UGDH: variants seen among roughly 807,000 people sequenced by gnomAD.
The protein encoded by UGDH is UDP-glucose 6-dehydrogenase.
Under a neutral mutation model 50.6 loss-of-function variants are expected in UGDH, and 38 were observed. The observed-to-expected ratio is 0.75, with a 90% confidence interval of 0.58 to 0.98. The LOEUF (loss-of-function observed/expected upper bound fraction) is 0.98, where lower values mean the gene tolerates loss of function less well. Ranked by LOEUF, UGDH falls within the 50% of genes least tolerant of loss-of-function variation. UGDH has a pLI of 0.00. For synonymous variants in UGDH, 168 were observed against 199.9 expected (o/e 0.84, Z 1.35); for missense variants, 465 against 606.2 (o/e 0.77, Z 2.45).
At chr4:39,502,698 G>A (rs922706473) in intron 11 of UGDH, among the ~76,000 whole-genome samples, 1 of 152,152 alleles carries the variant, frequency 6.6e-6, no homozygotes, top group African/African-American at 2.4e-5. Flanking sequence ...CAAAAACACT[G>A]TTCTGGGTGG....
chr4:39,515,809 C>T (rs1442671655), intron 2 of UGDH, among the ~76,000 whole-genome samples: 2 of 152,180 alleles, frequency 1.3e-5, no homozygotes, highest in Non-Finnish European at 2.9e-5. Flanking sequence ...AAGTGATTCT[C>T]GTGCCGCAAA....
chr4:39,510,485 T>G lies in UGDH; in HGVS notation c.531A>C (p.Arg177Ser). The change falls in exon 5 of 12, where the codon AGA becomes AGC. Residue 177 changes from arginine to serine, a missense_variant. Arg to Ser is a moderately radical substitution (Grantham distance 110). Coordinates refer to ENST00000316423, the MANE Select transcript of UGDH (RefSeq NM_003359.4). ...GAGTTTCATCCCCTCCAATCAGTACTCTGTCTGGGTTCTTTAGGTCCTTGA... is the reference window on the plus strand; with the variant it reads ...GAGTTTCATCCCCTCCAATCAGTACGCTGTCTGGGTTCTTTAGGTCCTTGA... ...TAIKDLKNPD[R>S]VLIGGDETPE... The G allele has an allele frequency of 6.2e-7, 1 of 1,614,160 alleles. No individual in the cohort carries two copies.
Position 39,512,025 on chromosome 4 carries a change from GAAA to G in UGDH, c.265-1167_265-1165del, listed in dbSNP as rs369507361. ...GCCAATGGGCGAAGACTTTCATTTAGAAAAAAAAAAAAAAAATCATGGGCCCAG... is the reference window on the plus strand; with the variant it reads ...GCCAATGGGCGAAGACTTTCATTTAGAAAAAAAAAAAAATCATGGGCCCAG... On this transcript the variant is annotated intron_variant, in intron 3 of 11. Coordinates refer to ENST00000316423, the MANE Select transcript of UGDH (RefSeq NM_003359.4). Among the ~76,000 whole-genome samples the G allele has an allele frequency of 3.7e-5, 5 of 136,930 alleles. No homozygotes were observed. In the East Asian group the frequency reaches 1.1e-3, roughly 29 times the overall value. 89.8% of individuals were successfully genotyped at this position (136,930 alleles called of 152,430 possible).
intron 11 of UGDH, among the ~76,000 whole-genome samples, chr4:39,502,184 C>T (rs1745844357): frequency 1.3e-5 from 2 of 152,042 alleles, no homozygotes; most frequent in Non-Finnish European, 2.9e-5. Context: ...TTGCAAATAA[C>T]CTTTTAAAAA....
intron 7 of UGDH, among the ~76,000 whole-genome samples, chr4:39,507,648 T>C (rs111385092): frequency 0.01 from 1,585 of 152,258 alleles, 24 homozygotes; most frequent in African/African-American, 0.035. Context: ...TTTATGCCTT[T>C]CAAGATAGAG....
Position 39,505,254 on chromosome 4 carries a change from A to T in UGDH, c.1154T>A (p.Val385Asp). 6.3e-7 allele frequency: 1 copy of T among 1,595,090 alleles called. No homozygotes were observed. The highest frequency in any genetic ancestry group is 8.5e-7 in the Non-Finnish European group (1 of 1,174,258). ...AGCCTTACCTTGGTCATCCTCTGAA[A>T]CACCTGGATGAGAAAGATCCACAAC... ...QIVVDLSHPG[V>D]SEDDQVSRLV... Residue 385 changes from valine (V) to aspartate (D), a missense_variant, in exon 9 of 12, where the codon GTT (valine) becomes GAT (aspartate). By Grantham distance (152) the Val-to-Asp change is radical. Coordinates refer to ENST00000316423, the MANE Select transcript of UGDH (RefSeq NM_003359.4).
At chr4:39,519,458 A>G (rs920365732) in intron 2 of UGDH, among the ~76,000 whole-genome samples, 3 of 152,142 alleles carry the variant, frequency 2.0e-5, no homozygotes, top group Non-Finnish European at 4.4e-5. Context: ...CCTTTTATCA[A>G]TATCAGCATT....
At chr4:39,523,888 G>C (rs1746773090) in intron 1 of UGDH, among the ~76,000 whole-genome samples, 1 of 151,934 alleles carries the variant, frequency 6.6e-6, no homozygotes, top group Non-Finnish European at 1.5e-5. Flanking sequence ...GTACACATGA[G>C]AAGTCTCACT....
At chr4:39,511,133 A>G (rs1244967720) in intron 3 of UGDH, among the ~76,000 whole-genome samples, 1 of 152,224 alleles carries the variant, frequency 6.6e-6, no homozygotes, top group African/African-American at 2.4e-5. Flanking sequence ...CTAAGCCCTG[A>G]AGATACATAA....
intron 11 of UGDH, among the ~76,000 whole-genome samples, chr4:39,503,008 C>T (rs1745883449): frequency 6.6e-6 from 1 of 152,178 alleles, no homozygotes; most frequent in Non-Finnish European, 1.5e-5. Context: ...CCTCCGCCTC[C>T]CAGGTTTAAG....
At chr4:39,504,309 A>ACT in intron 10 of UGDH, 108 bp downstream of exon 10, 1 of 1,034,244 alleles carries the variant, frequency 9.7e-7, no homozygotes, top group Admixed American at 2.5e-5. Flanking sequence ...CTCCATCTCA[A>ACT]AAAAAAAAAC....
At chr4:39,521,084 A>G (rs1279446020) in intron 2 of UGDH, among the ~76,000 whole-genome samples, 4 of 151,456 alleles carry the variant, frequency 2.6e-5, no homozygotes, top group East Asian at 1.9e-4. Context: ...AAAAAAAAAA[A>G]AAAAAAGAAA....
intron 2 of UGDH, among the ~76,000 whole-genome samples, chr4:39,514,613 C>T (rs889245831): frequency 6.6e-6 from 1 of 152,124 alleles, no homozygotes; most frequent in African/African-American, 2.4e-5. Flanking sequence ...TCAAACAATC[C>T]TCCCATCTCA....
In UGDH at chr4:39,527,110, G is replaced by T. The variant is rs757182593; in HGVS notation, c.-8+173C>A. 3 of 1,289,064 alleles carry T rather than the reference G, an allele frequency of 2.3e-6. No homozygotes were observed. The African/African-American group carries it at 4.6e-5, about 20-fold the overall frequency. The allele number at this position is 1,289,064 out of a possible 1,614,324, so 79.9% of individuals were successfully genotyped here. A position where few individuals can be genotyped will look rare whatever the true frequency, so the allele number is the denominator to read the frequency against. On this transcript the variant is annotated intron_variant, in intron 1 of 11. Coordinates refer to ENST00000316423, the MANE Select transcript of UGDH (RefSeq NM_003359.4). Reference sequence around the variant, plus strand: ...CCCCAGGACAGCAGTTCCAAAATGCGGTTCCCGCCCTAAGCCCCAAAGAGA... The same window carrying T: ...CCCCAGGACAGCAGTTCCAAAATGCTGTTCCCGCCCTAAGCCCCAAAGAGA...
chr4:39,505,632 G>A lies in UGDH; in HGVS notation c.1023C>T (p.Asp341=), dbSNP rs1445329594. Residue 341 remains aspartate, a synonymous_variant, in exon 8 of 12, where the codon GAC becomes GAT. Coordinates refer to ENST00000316423, the MANE Select transcript of UGDH (RefSeq NM_003359.4). The part of the protein sequence containing the change: ...IAILGFAFKK[D]TGDTRESSSI... ...AAAACTGATACCTTGTATCACCAGT[G>A]TCCTTTTTGAATGCAAATCCCAAAA... 2.5e-6 allele frequency: 4 copies of A among 1,604,802 alleles called. No individual in the cohort carries two copies. The highest frequency in any genetic ancestry group is 1.3e-5 in the African/African-American group (1 of 74,870).
At chr4:39,509,997 T>C (rs1746178315) in intron 5 of UGDH, 90 bp from the exon 6 acceptor site, 2 of 1,391,740 alleles carry the variant, frequency 1.4e-6, no homozygotes, top group Non-Finnish European at 1.9e-6. Context: ...TGACGCAAAT[T>C]ACTGAGGGAG....
chr4:39,509,398 T>C (rs1210456630), intron 6 of UGDH, among the ~76,000 whole-genome samples: 1 of 152,190 alleles, frequency 6.6e-6, no homozygotes, highest in Non-Finnish European at 1.5e-5. Context: ...AAAGCAGCCA[T>C]AGACAATATG....
At position 39,514,520 on chromosome 4, in the gene UGDH, G is replaced by A. The variant is rs1271771258; in HGVS notation, c.163-336C>T. Among the ~76,000 whole-genome samples the A allele has an allele frequency of 2.0e-5, 3 of 151,564 alleles. No homozygotes were observed. In the East Asian group the frequency reaches 5.9e-4, roughly 30 times the overall value. On this transcript the variant is annotated intron_variant, in intron 2 of 11. Transcript: ENST00000316423. Reference sequence around the variant, plus strand: ...TAGGACCACAGGAGCCATGAGGCCTGGCTAATTTTTGTATCTTTTTTTGGC... The same window carrying A: ...TAGGACCACAGGAGCCATGAGGCCTAGCTAATTTTTGTATCTTTTTTTGGC...
At position 39,503,908 on chromosome 4, in the gene UGDH, C is replaced by T; in HGVS notation, c.1341G>A (p.Gly447=). ...CAATGGTTTGTAGTTCATTGTGGAG[C>T]CCATCCAGGACACGCCGTCCATCGA... is the stretch of plus-strand genomic sequence containing the variant. ...FIFDGRRVLD[G]LHNELQTIGF... Residue 447 remains glycine, a synonymous_variant, in exon 11 of 12, where the codon GGG becomes GGA. Coordinates refer to ENST00000316423, the MANE Select transcript of UGDH (RefSeq NM_003359.4). The T allele has an allele frequency of 6.2e-7, 1 of 1,614,132 alleles. No homozygotes were observed. The highest frequency in any genetic ancestry group is 8.5e-7 in the Non-Finnish European group (1 of 1,180,008).
Sources: allele counts gnomAD v4.1 joint callset (sites outside exome capture counted in the v4.1 genomes callset), GRCh38; gene constraint gnomAD v4.1.1; transcripts MANE v1.5; gene names NCBI Gene and HGNC (gene_info 2026-07-23, HGNC 2026-07-21).